The following SUCLG2 variants were observed in gnomAD, a reference collection of about 807,000 sequenced individuals.
SUCLG2 encodes succinate-CoA ligase GDP-forming subunit beta.
SUCLG2 carries 42 observed loss-of-function variants against 47.9 expected under a neutral mutation model. The observed-to-expected ratio is 0.88, with a 90% confidence interval of 0.69 to 1.14. SUCLG2 has a LOEUF of 1.14. Among genes scored for constraint, SUCLG2 ranks in the 50% most tolerant of loss-of-function variants. The pLI, the probability that SUCLG2 is intolerant of heterozygous loss-of-function variation, is 0.00. For missense variants in SUCLG2, 571 were observed against 525.9 expected (o/e 1.09, Z -0.84); for synonymous variants, 195 against 197.3 (o/e 0.99, Z 0.10).
intron 9 of SUCLG2, among the ~76,000 whole-genome samples, chr3:67,430,456 T>C (rs889266505): frequency 6.6e-6 from 1 of 152,062 alleles, no homozygotes; most frequent in Non-Finnish European, 1.5e-5. Flanking sequence ...AAGCAGTGCA[T>C]AGAGGAAAAT....
chr3:67,453,941 C>T (rs571022842), intron 9 of SUCLG2, among the ~76,000 whole-genome samples: 14 of 152,244 alleles, frequency 9.2e-5, no homozygotes, highest in African/African-American at 2.4e-4. Context: ...TTGTCGTTGT[C>T]GTGCATTTTG....
chr3:67,444,085 A>C (rs1703854796), intron 9 of SUCLG2, among the ~76,000 whole-genome samples: 1 of 105,858 alleles, frequency 9.4e-6, no homozygotes, highest in African/African-American at 3.2e-5. Flanking sequence ...CCGCCTGGCC[A>C]GCCGCGCCGT....
chr3:67,584,848 C>T (rs1707973252), intron 2 of SUCLG2, among the ~76,000 whole-genome samples: 1 of 152,144 alleles, frequency 6.6e-6, no homozygotes, highest in Non-Finnish European at 1.5e-5. Flanking sequence ...CATCAGATCT[C>T]ATGCGAACTC....
At chr3:67,644,534 T>A (rs990591531) in intron 1 of SUCLG2, among the ~76,000 whole-genome samples, 1 of 151,978 alleles carries the variant, frequency 6.6e-6, no homozygotes, top group African/African-American at 2.4e-5. Context: ...TAGGGGAGGA[T>A]GAATAAGTTC....
At chr3:67,511,128 C>T (rs1386388121) in intron 6 of SUCLG2, among the ~76,000 whole-genome samples, 1 of 139,606 alleles carries the variant, frequency 7.2e-6, no homozygotes, top group Non-Finnish European at 1.5e-5. Flanking sequence ...ACCTCGTAAT[C>T]TGCCCACCTC....
intron 2 of SUCLG2, among the ~76,000 whole-genome samples, chr3:67,569,911 G>C (rs990698430): frequency 2.0e-5 from 3 of 152,156 alleles, no homozygotes; most frequent in Non-Finnish European, 2.9e-5. Context: ...GCTATGGGCT[G>C]TTTGTAAACC....
At chr3:67,395,756 A>T (rs1366980320) in intron 10 of SUCLG2, among the ~76,000 whole-genome samples, 1 of 152,212 alleles carries the variant, frequency 6.6e-6, no homozygotes, top group Non-Finnish European at 1.5e-5. Flanking sequence ...TCCAAAATTG[A>T]ACACATAGTT....
At chr3:67,413,375 C>G (rs1702969414) in intron 9 of SUCLG2, among the ~76,000 whole-genome samples, 1 of 152,144 alleles carries the variant, frequency 6.6e-6, no homozygotes, top group African/African-American at 2.4e-5. Context: ...GACTGAATCC[C>G]CATGTGGTCT....
At chr3:67,419,918 A>C (rs1424513343) in intron 9 of SUCLG2, among the ~76,000 whole-genome samples, 1 of 152,200 alleles carries the variant, frequency 6.6e-6, no homozygotes, top group African/African-American at 2.4e-5. Context: ...TTTCTCTTTA[A>C]GATGTTTAAG....
rs114006481 is a variant in SUCLG2 at position 67,470,842 on chromosome 3, C to T, written c.1062+24956G>A. Among the ~76,000 whole-genome samples, 415 of 152,326 alleles carry T rather than the reference C, an allele frequency of 2.7e-3. 5 individuals carry two copies. The highest frequency in any genetic ancestry group is 9.4e-3 in the African/African-American group (392 of 41,588). On this transcript the variant is annotated intron_variant, in intron 9 of 10. Transcript: ENST00000307227. ...GCCTCAGAGTTCTCAGTTGCCACCACTTAGATAGAAAGATACCCACTGCCA... is the reference window on the plus strand; with the variant it reads ...GCCTCAGAGTTCTCAGTTGCCACCATTTAGATAGAAAGATACCCACTGCCA...
intron 9 of SUCLG2, among the ~76,000 whole-genome samples, chr3:67,462,678 T>G (rs1229737505): frequency 6.6e-6 from 1 of 152,198 alleles, no homozygotes; most frequent in Non-Finnish European, 1.5e-5. Flanking sequence ...TTTACCTGAG[T>G]TTTGTGTGCC....
At position 67,623,456 on chromosome 3, in the gene SUCLG2, G is replaced by A. The variant is rs542291666; in HGVS notation, c.85-13860C>T. Reference sequence around the variant, plus strand: ...GCGGTGCTTGCAGTGAGTGGAGATCGAGCCACTGCACTCCAGCCTGGATGA... The same window carrying A: ...GCGGTGCTTGCAGTGAGTGGAGATCAAGCCACTGCACTCCAGCCTGGATGA... On this transcript the variant is annotated intron_variant, in intron 1 of 10. Coordinates refer to ENST00000307227, the MANE Select transcript of SUCLG2 (RefSeq NM_003848.4). 7.2e-5 allele frequency among the ~76,000 whole-genome samples: 11 copies of A among 151,746 alleles called. No individual in the cohort carries two copies. The South Asian group carries it at 1.1e-3, about 15-fold the overall frequency.
In SUCLG2 at chr3:67,398,142, A is replaced by C. The variant is rs1279517685; in HGVS notation, c.1183+2589T>G. Among the ~76,000 whole-genome samples the C allele has an allele frequency of 1.3e-4, 20 of 150,340 alleles. 1 individual carries two copies. Among genetic ancestry groups the C allele is most frequent in the Admixed American group, 8.0e-4 (12 of 15,026 alleles). ...CTTCATGTGTAAAACACCAAAAGCA[A>C]TGGCAACAAAAGCCAAAATTGACAA... On this transcript the variant is annotated intron_variant, in intron 10 of 10. Transcript: ENST00000307227.
intron 9 of SUCLG2, among the ~76,000 whole-genome samples, chr3:67,463,381 G>A (rs532041153): frequency 6.6e-6 from 1 of 152,276 alleles, no homozygotes; most frequent in South Asian, 2.1e-4. Flanking sequence ...TCTCAGTATG[G>A]CCCAAGGAAC....
chr3:67,407,784 AG>A (rs1702849099), intron 9 of SUCLG2, among the ~76,000 whole-genome samples: 1 of 152,206 alleles, frequency 6.6e-6, no homozygotes, highest in South Asian at 2.1e-4. Context: ...AAAAAATCAC[AG>A]GTTATTTTAA....
chr3:67,413,602 C>A (rs1310164331), intron 9 of SUCLG2, among the ~76,000 whole-genome samples: 1 of 152,142 alleles, frequency 6.6e-6, no homozygotes, highest in Non-Finnish European at 1.5e-5. Context: ...TGTTAACAGT[C>A]AACCAAAAAA....
chr3:67,625,885 G>A (rs1700817440), intron 1 of SUCLG2, among the ~76,000 whole-genome samples: 1 of 151,980 alleles, frequency 6.6e-6, no homozygotes, highest in Non-Finnish European at 1.5e-5. Flanking sequence ...AGCACTAGGG[G>A]AAAAAAATTA....
chr3:67,586,229 A>T (rs1708016384), intron 2 of SUCLG2, among the ~76,000 whole-genome samples: 1 of 152,186 alleles, frequency 6.6e-6, no homozygotes. Flanking sequence ...AGATCAAGTG[A>T]GGCTCCTTCT....
intron 9 of SUCLG2, among the ~76,000 whole-genome samples, chr3:67,495,123 CA>C (rs1422817963): frequency 2.6e-5 from 4 of 152,186 alleles, no homozygotes; most frequent in Non-Finnish European, 5.9e-5. Context: ...GTAATACCTT[CA>C]GCATCTTTAT....
Sources: allele counts gnomAD v4.1 joint callset (sites outside exome capture counted in the v4.1 genomes callset), GRCh38; gene constraint gnomAD v4.1.1; transcripts MANE v1.5; gene names NCBI Gene and HGNC (gene_info 2026-07-23, HGNC 2026-07-21).